Variants in EPHA6 observed in about 807,000 individuals in gnomAD.
EPHA6 encodes EPH receptor A6.
In EPHA6, 50 loss-of-function variants were observed where a neutral mutation model predicts 112.0. That is an observed-to-expected ratio of 0.45 (90% CI 0.36 to 0.56). EPHA6 has a LOEUF of 0.56. Among genes scored for constraint, EPHA6 ranks in the 20% least tolerant of loss-of-function variants. The probability of loss-of-function intolerance (pLI) is 0.00; values close to 1 mark genes in which losing one functional copy is unlikely to be tolerated. For missense variants in EPHA6, 1,280 were observed against 1,417.4 expected (o/e 0.90, Z 1.56); for synonymous variants, 529 against 490.7 (o/e 1.08, Z -1.03).
chr3:97,054,153 A>G (rs571253667), intron 3 of EPHA6, among the ~76,000 whole-genome samples: 3 of 144,236 alleles, frequency 2.1e-5, no homozygotes, highest in East Asian at 2.0e-4. Context: ...AGATTCTGAC[A>G]TAACTATCTA....
In EPHA6 at chr3:97,722,643, C is replaced by T. The variant is rs116887473; in HGVS notation, c.2934+2233C>T. On this transcript the variant is annotated intron_variant, in intron 15 of 17. Transcript: ENST00000389672. ...GAGGGAGATAGACTATAAACAAAAT[C>T]GATAAGAGACATAGTATATAACATG... 1.5e-4 allele frequency among the ~76,000 whole-genome samples: 22 copies of T among 150,856 alleles called. No homozygotes were observed. In the East Asian group the frequency reaches 4.1e-3, roughly 28 times the overall value.
At chr3:97,620,232 T>C (rs1171108075) in intron 13 of EPHA6, among the ~76,000 whole-genome samples, 1 of 152,088 alleles carries the variant, frequency 6.6e-6, no homozygotes, top group Admixed American at 6.6e-5. Context: ...AAATTGAAAC[T>C]GGACCCTTTT....
At chr3:97,054,073 T>C (rs2045772691) in intron 3 of EPHA6, among the ~76,000 whole-genome samples, 1 of 151,724 alleles carries the variant, frequency 6.6e-6, no homozygotes, top group Admixed American at 6.6e-5. Flanking sequence ...CCTAGGGGGC[T>C]TACTACATAT....
At chr3:97,164,008 T>C (rs1576599022) in intron 3 of EPHA6, among the ~76,000 whole-genome samples, 1 of 152,216 alleles carries the variant, frequency 6.6e-6, no homozygotes, top group East Asian at 1.9e-4. Flanking sequence ...CACAGATGCC[T>C]TCAGGTTATT....
At chr3:97,152,320 T>A (rs2076188483) in intron 3 of EPHA6, among the ~76,000 whole-genome samples, 1 of 151,784 alleles carries the variant, frequency 6.6e-6, no homozygotes, top group Admixed American at 6.6e-5. Context: ...GGAGATAAAA[T>A]TCACTTCTGC....
chr3:97,077,508 T>A (rs920683042), intron 3 of EPHA6, among the ~76,000 whole-genome samples: 1 of 152,062 alleles, frequency 6.6e-6, no homozygotes, highest in South Asian at 2.1e-4. Context: ...TCATTTACAT[T>A]AGGTATTTCT....
At position 97,271,502 on chromosome 3, in the gene EPHA6, C is replaced by T. The variant is rs576086089; in HGVS notation, c.1606+27215C>T. On this transcript the variant is annotated intron_variant, in intron 5 of 17. Transcript: ENST00000389672. ...CCTCCTGAGTAATTATGATTACAGG[C>T]ACGCACCACCATACCCGGCTACTTT... 8.8e-4 allele frequency among the ~76,000 whole-genome samples: 134 copies of T among 152,278 alleles called. 1 individual carries two copies. Among genetic ancestry groups the T allele is most frequent in the Middle Eastern group, 3.4e-3 (1 of 294 alleles).
At chr3:97,649,113 T>A (rs1311989311) in intron 14 of EPHA6, among the ~76,000 whole-genome samples, 1 of 152,040 alleles carries the variant, frequency 6.6e-6, no homozygotes, top group Non-Finnish European at 1.5e-5. Flanking sequence ...TAAAGACATA[T>A]CTGAGACTGG....
intron 3 of EPHA6, among the ~76,000 whole-genome samples, chr3:97,186,508 A>G (rs951009209): frequency 2.0e-5 from 3 of 152,112 alleles, no homozygotes; most frequent in African/African-American, 7.2e-5. Flanking sequence ...TGGGAAAGCC[A>G]TGCCTTTAAT....
intron 3 of EPHA6, among the ~76,000 whole-genome samples, chr3:97,005,471 T>TGCAAAA (rs2043842367): frequency 1.3e-5 from 2 of 152,128 alleles, no homozygotes; most frequent in Non-Finnish European, 2.9e-5. Context: ...GATTTTATAT[T>TGCAAAA]CTGCGACTTT....
At chr3:97,250,157 C>G (rs749865809) in intron 5 of EPHA6, among the ~76,000 whole-genome samples, 3 of 152,124 alleles carry the variant, frequency 2.0e-5, no homozygotes, top group African/African-American at 7.2e-5. Flanking sequence ...AGCAGGAATA[C>G]GTCTGGAAAG....
At chr3:97,059,902 C>T (rs1221600598) in intron 3 of EPHA6, among the ~76,000 whole-genome samples, 1 of 151,906 alleles carries the variant, frequency 6.6e-6, no homozygotes, top group East Asian at 1.9e-4. Flanking sequence ...GTGGGCGGAT[C>T]ATGAGGTCAG....
chr3:97,150,586 C>T (rs746855802), intron 3 of EPHA6, among the ~76,000 whole-genome samples: 1 of 151,996 alleles, frequency 6.6e-6, no homozygotes, highest in Non-Finnish European at 1.5e-5. Context: ...GGGAAAACAA[C>T]GTGGGTGCTG....
chr3:97,641,747 C>A (rs546765351), intron 14 of EPHA6, among the ~76,000 whole-genome samples: 1 of 152,330 alleles, frequency 6.6e-6, no homozygotes, highest in Admixed American at 6.5e-5. Context: ...TAAAAAACAG[C>A]GCACCACGAG....
chr3:96,867,116 A>G (rs1198940423), intron 2 of EPHA6, among the ~76,000 whole-genome samples: 2 of 151,918 alleles, frequency 1.3e-5, no homozygotes, highest in African/African-American at 4.8e-5. Context: ...CTGTGTTTAT[A>G]CATAGTGACA....
At chr3:96,853,188 A>C (rs2035498248) in intron 1 of EPHA6, among the ~76,000 whole-genome samples, 1 of 152,032 alleles carries the variant, frequency 6.6e-6, no homozygotes, top group South Asian at 2.1e-4. Flanking sequence ...TAATAGGTGT[A>C]AAGGTTTTTC....
intron 2 of EPHA6, among the ~76,000 whole-genome samples, chr3:96,903,309 G>T (rs1437005767): frequency 6.6e-6 from 1 of 152,150 alleles, no homozygotes; most frequent in Non-Finnish European, 1.5e-5. Flanking sequence ...TGAGGACAAA[G>T]AGGTGTCATT....
At position 97,592,627 on chromosome 3, in the gene EPHA6, T is replaced by C. The variant is rs756985280; in HGVS notation, c.2402T>C (p.Ile801Thr). The C allele has an allele frequency of 2.6e-5, 42 of 1,613,348 alleles. No individual in the cohort carries two copies. Among genetic ancestry groups the C allele is most frequent in the African/African-American group, 9.4e-5 (7 of 74,860 alleles). Residue 801 changes from isoleucine to threonine, a missense_variant, in exon 12 of 18, where the codon ATT becomes ACT. By Grantham distance (89) the Ile-to-Thr change is moderately conservative. This residue lies in a region of EPHA6 where 878 missense variants were observed against 999.7 expected (regional missense o/e 0.88). Transcript: ENST00000389672. Reference sequence around the variant, plus strand: ...CTCTTAAAAGGATCCTTCCCGGCCATTGGGGTGGAGGCGTTTTGCCCCAGC... The same window carrying C: ...CTCTTAAAAGGATCCTTCCCGGCCACTGGGGTGGAGGCGTTTTGCCCCAGC... Reference protein sequence around the residue: ...GVVTKRSFPAIGVEAFCPSFL... With the variant: ...GVVTKRSFPATGVEAFCPSFL...
intron 3 of EPHA6, among the ~76,000 whole-genome samples, chr3:97,077,958 G>A (rs1053956119): frequency 2.0e-5 from 3 of 152,176 alleles, no homozygotes; most frequent in Non-Finnish European, 4.4e-5. Flanking sequence ...AGATCCTTGA[G>A]GAATCGCCAC....
Sources: gnomAD v4.1 joint callset for allele counts (sites outside exome capture counted in the v4.1 genomes callset) on GRCh38, gnomAD v4.1.1 for gene constraint, gnomAD v4.1.1 regional missense constraint, MANE v1.5 for transcripts, NCBI Gene and HGNC (gene_info 2026-07-23, HGNC 2026-07-21) for gene names.